EHD4: variants seen among roughly 807,000 people sequenced by gnomAD.
The protein encoded by EHD4 is EH domain-containing protein 4.
EHD4 carries 37 observed loss-of-function variants against 51.0 expected under a neutral mutation model. That is an observed-to-expected ratio of 0.73 (90% CI 0.56 to 0.95). EHD4 has a LOEUF of 0.95. Among genes scored for constraint, EHD4 ranks in the 40% least tolerant of loss-of-function variants. The pLI, the probability that EHD4 is intolerant of heterozygous loss-of-function variation, is 0.00. For missense variants in EHD4, 632 were observed against 733.1 expected (o/e 0.86, Z 1.59); for synonymous variants, 297 against 317.3 (o/e 0.94, Z 0.68).
At chr15:41,916,178 C>T (rs572142152) in intron 4 of EHD4, among the ~76,000 whole-genome samples, 1 of 152,278 alleles carries the variant, frequency 6.6e-6, no homozygotes, top group East Asian at 1.9e-4. Context: ...TAAACCTAAA[C>T]TTTGTAGGGT....
chr15:41,939,982 AT>A (rs574725320), intron 3 of EHD4, among the ~76,000 whole-genome samples: 100 of 147,484 alleles, frequency 6.8e-4, no homozygotes, highest in African/African-American at 1.7e-3. Context: ...AATGCTATGT[AT>A]TTTTTTTTTT....
chr15:41,960,729 A>G (rs1245991042), intron 1 of EHD4, among the ~76,000 whole-genome samples: 6 of 141,030 alleles, frequency 4.3e-5, no homozygotes, highest in Non-Finnish European at 9.0e-5. Flanking sequence ...GCTGGAGTGC[A>G]GTGGCATGAT....
intron 3 of EHD4, among the ~76,000 whole-genome samples, chr15:41,930,449 C>G (rs1270281290): frequency 1.3e-5 from 2 of 152,200 alleles, no homozygotes; most frequent in Non-Finnish European, 2.9e-5. Flanking sequence ...AAGGCTTTGA[C>G]CGTGACAATG....
chr15:41,933,597 T>C, intron 3 of EHD4, among the ~76,000 whole-genome samples: 1 of 152,130 alleles, frequency 6.6e-6, no homozygotes, highest in East Asian at 1.9e-4. Flanking sequence ...CCACCTAGAA[T>C]CCTGCATTTA....
Position 41,953,895 on chromosome 15 carries a change from C to T in EHD4, c.282G>A (p.Glu94=), listed in dbSNP as rs1459360479. ...CGGCGATGAAGGAGTCTGTGGTGGG[C>T]TCCGGACCAATCCTCATGCCTGGGA... is the stretch of plus-strand genomic sequence containing the variant. ...QDFPGMRIGP[E]PTTDSFIAVM... is the part of the protein sequence containing the mutation. Residue 94 remains glutamate (E), a synonymous_variant, in exon 2 of 6, where the codon GAG becomes GAA. Transcript: ENST00000220325. 1 of 1,613,700 alleles carries T rather than the reference C, an allele frequency of 6.2e-7. No individual in the cohort carries two copies. Among genetic ancestry groups the T allele is most frequent in the African/African-American group, 1.3e-5 (1 of 74,996 alleles).
At chr15:41,932,677 G>A (rs1257825853) in intron 3 of EHD4, among the ~76,000 whole-genome samples, 3 of 152,128 alleles carry the variant, frequency 2.0e-5, no homozygotes, top group Admixed American at 6.5e-5. Flanking sequence ...AGCCACACCC[G>A]GGAACACTGC....
intron 2 of EHD4, among the ~76,000 whole-genome samples, chr15:41,949,564 T>TG (rs2067839749): frequency 6.6e-6 from 1 of 152,124 alleles, no homozygotes; most frequent in Non-Finnish European, 1.5e-5. Flanking sequence ...CCAGCTAAAA[T>TG]GACTGAGCCC....
intron 1 of EHD4, among the ~76,000 whole-genome samples, chr15:41,960,904 C>T (rs1035822936): frequency 2.0e-5 from 3 of 152,148 alleles, no homozygotes; most frequent in Admixed American, 6.5e-5. Flanking sequence ...AACTCCTGAC[C>T]TCAGGTGATC....
At chr15:41,955,371 T>C (rs1719215386) in intron 1 of EHD4, among the ~76,000 whole-genome samples, 1 of 152,092 alleles carries the variant, frequency 6.6e-6, no homozygotes, top group Non-Finnish European at 1.5e-5. Flanking sequence ...TCTTCAGAAA[T>C]GGCCTCAAGT....
chr15:41,950,305 A>G (rs1012004082), intron 2 of EHD4, among the ~76,000 whole-genome samples: 7 of 152,224 alleles, frequency 4.6e-5, no homozygotes, highest in Non-Finnish European at 8.8e-5. Context: ...ACTCTTTTAA[A>G]GATGCCCCTG....
intron 5 of EHD4, among the ~76,000 whole-genome samples, chr15:41,903,167 G>A (rs2067488864): frequency 6.6e-6 from 1 of 151,682 alleles, no homozygotes; most frequent in South Asian, 2.1e-4. Context: ...AGTTCTAGAG[G>A]GGGCCAAAGA....
chr15:41,949,058 A>T (rs1327395702), intron 2 of EHD4, among the ~76,000 whole-genome samples: 1 of 139,372 alleles, frequency 7.2e-6, no homozygotes, highest in Non-Finnish European at 1.5e-5. Flanking sequence ...ATATACACAC[A>T]TACACACACA....
intron 5 of EHD4, among the ~76,000 whole-genome samples, chr15:41,906,289 A>G (rs1443859194): frequency 6.6e-6 from 1 of 152,034 alleles, no homozygotes; most frequent in African/African-American, 2.4e-5. Flanking sequence ...CCTTTTTTGC[A>G]TACTCACAAA....
Position 41,952,835 on chromosome 15 carries a change from C to T in EHD4, c.413+929G>A, listed in dbSNP as rs144107884. 2.5e-3 allele frequency among the ~76,000 whole-genome samples: 387 copies of T among 151,766 alleles called. 4 individuals carry two copies. The highest frequency in any genetic ancestry group is 8.7e-3 in the African/African-American group (360 of 41,368). On this transcript the variant is annotated intron_variant, in intron 2 of 5. Coordinates refer to ENST00000220325, the MANE Select transcript of EHD4 (RefSeq NM_139265.4). ...TGAAACCCTGTCTGTACTAAAAATA[C>T]GAAAATTAGCTGGGTGTGGTGGTGG... is the stretch of plus-strand genomic sequence containing the variant.
intron 3 of EHD4, among the ~76,000 whole-genome samples, chr15:41,933,580 C>T (rs2067712668): frequency 6.6e-6 from 1 of 152,158 alleles, no homozygotes; most frequent in Non-Finnish European, 1.5e-5. Flanking sequence ...TTGCCACTGC[C>T]TCTCTTCCAC....
chr15:41,897,147 A>G lies in EHD4; in HGVS notation c.*3498T>C, dbSNP rs2067444158. On this transcript the variant is annotated 3_prime_UTR_variant, in exon 6 of 6. Transcript: ENST00000220325. ...TGGTTAACCAACATTGGAACCCAATACTCTTGTATTAGGCCCGCATTTACC... is the reference window on the plus strand; with the variant it reads ...TGGTTAACCAACATTGGAACCCAATGCTCTTGTATTAGGCCCGCATTTACC... The G allele has an allele frequency of 6.6e-6, 1 of 152,204 alleles. No individual in the cohort carries two copies. The highest frequency in any genetic ancestry group is 2.4e-5 in the African/African-American group (1 of 41,446). The allele number at this position is 152,204 out of a possible 1,614,324, so 9.4% of individuals were successfully genotyped here. A position where few individuals can be genotyped will look rare whatever the true frequency, so the allele number is the denominator to read the frequency against.
At chr15:41,971,774 A>G (rs1292107012) in intron 1 of EHD4, among the ~76,000 whole-genome samples, 1 of 152,174 alleles carries the variant, frequency 6.6e-6, no homozygotes, top group Non-Finnish European at 1.5e-5. Context: ...TAAAGACCTC[A>G]AGGGAAGGGG....
intron 5 of EHD4, 146 bp downstream of exon 5, chr15:41,909,553 A>T (rs1451264178): frequency 4.2e-6 from 4 of 953,278 alleles, no homozygotes; most frequent in Non-Finnish European, 6.3e-6. Context: ...CTTTATTCAT[A>T]GCCTATTATC....
chr15:41,971,967 C>T (rs1456820752), intron 1 of EHD4, among the ~76,000 whole-genome samples: 2 of 152,214 alleles, frequency 1.3e-5, no homozygotes, highest in African/African-American at 4.8e-5. Flanking sequence ...CTCGCGCCCC[C>T]TCTCTCCCTT....
Sources: gnomAD v4.1 joint callset for allele counts (sites outside exome capture counted in the v4.1 genomes callset) on GRCh38, gnomAD v4.1.1 for gene constraint, MANE v1.5 for transcripts, NCBI Gene and HGNC (gene_info 2026-07-23, HGNC 2026-07-21) for gene names.